The following PHTF2 variants were observed in gnomAD, a reference collection of about 807,000 sequenced individuals.
The protein encoded by PHTF2 is putative homeodomain transcription factor 2, also known as protein PHTF2.
In PHTF2, 60 loss-of-function variants were observed where a neutral mutation model predicts 101.2. The observed-to-expected ratio is 0.59, with a 90% confidence interval of 0.48 to 0.73. The LOEUF is 0.73. PHTF2 is among the 30% of genes least tolerant of loss of function. The pLI is 0.00. For synonymous variants in PHTF2, 311 were observed against 307.3 expected (o/e 1.01, Z -0.13); for missense variants, 747 against 908.7 (o/e 0.82, Z 2.29).
At chr7:77,912,673 A>T (rs920372888) in intron 9 of PHTF2, among the ~76,000 whole-genome samples, 4 of 105,140 alleles carry the variant, frequency 3.8e-5, no homozygotes, top group East Asian at 6.0e-4. Flanking sequence ...ATATATATAT[A>T]TTTTTAACCT....
chr7:77,916,844 C>A (rs1039285743), intron 9 of PHTF2, among the ~76,000 whole-genome samples: 1 of 152,130 alleles, frequency 6.6e-6, no homozygotes, highest in African/African-American at 2.4e-5. Flanking sequence ...TACGTCTGTA[C>A]ATGTTCAGTA....
intron 1 of PHTF2, among the ~76,000 whole-genome samples, chr7:77,827,602 T>G (rs1420233700): frequency 1.3e-5 from 2 of 152,148 alleles, no homozygotes; most frequent in African/African-American, 2.4e-5. Context: ...TCTACCTGCC[T>G]TGGACTCCCA....
chr7:77,859,017 T>C (rs1348409479), intron 3 of PHTF2, among the ~76,000 whole-genome samples: 1 of 152,160 alleles, frequency 6.6e-6, no homozygotes, highest in Non-Finnish European at 1.5e-5. Flanking sequence ...GAAAAACTGT[T>C]CTCTGCTTTC....
chr7:77,905,742 C>T (rs1801795463), intron 7 of PHTF2, among the ~76,000 whole-genome samples: 1 of 152,102 alleles, frequency 6.6e-6, no homozygotes, highest in African/African-American at 2.4e-5. Flanking sequence ...AAGCAGTCCA[C>T]CCGCCTCAGC....
intron 2 of PHTF2, among the ~76,000 whole-genome samples, chr7:77,851,446 A>T (rs1281342672): frequency 6.6e-6 from 1 of 152,114 alleles, no homozygotes. Context: ...AGAGTCCATT[A>T]TAATATGTCC....
chr7:77,841,074 A>ATTTTTTTTTTTTTTTT (rs1562863302), intron 2 of PHTF2, among the ~76,000 whole-genome samples: 3 of 51,412 alleles, frequency 5.8e-5, no homozygotes, highest in African/African-American at 1.8e-4. Context: ...GAAAAAACAG[A>ATTTTTTTTTTTTTTTT]CTTTTTTTTT....
intron 5 of PHTF2, among the ~76,000 whole-genome samples, chr7:77,894,445 A>G (rs1800714800): frequency 6.6e-6 from 1 of 152,206 alleles, no homozygotes; most frequent in South Asian, 2.1e-4. Context: ...ATTGAAAACC[A>G]GTGTCTATAG....
At chr7:77,822,557 A>T (rs1318700280) in intron 1 of PHTF2, among the ~76,000 whole-genome samples, 1 of 152,004 alleles carries the variant, frequency 6.6e-6, no homozygotes, top group Non-Finnish European at 1.5e-5. Context: ...GGACTGTGGG[A>T]TTCTCCTGTA....
At chr7:77,840,388 G>T in intron 2 of PHTF2, 88 bp downstream of exon 2, 1 of 762,270 alleles carries the variant, frequency 1.3e-6, no homozygotes, top group South Asian at 1.7e-5. Context: ...TTAGGATTTT[G>T]AGTGGGAAAG....
chr7:77,922,642 C>G lies in PHTF2; in HGVS notation c.983C>G (p.Thr328Arg), dbSNP rs138344763. 187 of 1,610,580 alleles carry G rather than the reference C, an allele frequency of 1.2e-4. No individual in the cohort carries two copies. In the African/African-American group the frequency reaches 2.2e-3, roughly 19 times the overall value. ...ACTTAGGATACCCAAAGGACAATAA[C>G]AAATGTCTCTGATGAAGTCTCCAGT... The change falls in exon 11 of 20, where the codon ACA becomes AGA. Residue 328 changes from threonine (T) to arginine (R), a missense_variant. Thr to Arg is a moderately conservative substitution (Grantham distance 71). Around this residue, in one of 6 missense-constraint regions of PHTF2, gnomAD observed 349 missense variants for 369.7 expected, o/e 0.94. Coordinates refer to ENST00000416283, the Ensembl canonical transcript of PHTF2.
At chr7:77,884,891 T>A (rs1799698943) in intron 3 of PHTF2, among the ~76,000 whole-genome samples, 1 of 142,092 alleles carries the variant, frequency 7.0e-6, no homozygotes, top group African/African-American at 2.6e-5. Context: ...AAAGCGAGAC[T>A]TCGTCTCAAA....
At chr7:77,924,905 T>C (rs1275753015) in intron 11 of PHTF2, among the ~76,000 whole-genome samples, 1 of 152,188 alleles carries the variant, frequency 6.6e-6, no homozygotes, top group African/African-American at 2.4e-5. Context: ...TTTTCTACTA[T>C]CTACTGTATC....
At chr7:77,844,194 A>G (rs1052914240) in intron 2 of PHTF2, among the ~76,000 whole-genome samples, 3 of 152,010 alleles carry the variant, frequency 2.0e-5, no homozygotes, top group Non-Finnish European at 4.4e-5. Context: ...GGATTTCACC[A>G]TGTTTCCCAG....
chr7:77,939,204 C>T (rs2150969982), intron 13 of PHTF2, among the ~76,000 whole-genome samples: 1 of 152,244 alleles, frequency 6.6e-6, no homozygotes, highest in Non-Finnish European at 1.5e-5. Context: ...AAATAATTCC[C>T]TCACCTTTTT....
chr7:77,845,291 ATAAG>A (rs2150594203), intron 2 of PHTF2, among the ~76,000 whole-genome samples: 1 of 152,354 alleles, frequency 6.6e-6, no homozygotes, highest in African/African-American at 2.4e-5. Context: ...AGGTAAATAT[ATAAG>A]AGAAGAGTGG....
chr7:77,945,217 A>G (rs1189243854), intron 16 of PHTF2, among the ~76,000 whole-genome samples: 1 of 152,176 alleles, frequency 6.6e-6, no homozygotes, highest in East Asian at 1.9e-4. Flanking sequence ...TCGCGCCTGT[A>G]ATCGCAGCTG....
chr7:77,854,303 G>A (rs1796992991), intron 2 of PHTF2, among the ~76,000 whole-genome samples: 1 of 152,132 alleles, frequency 6.6e-6, no homozygotes, highest in Non-Finnish European at 1.5e-5. Flanking sequence ...CCAAACAAAT[G>A]GAGTCTCTCT....
intron 1 of PHTF2, among the ~76,000 whole-genome samples, chr7:77,800,243 A>T (rs1792426904): frequency 6.6e-6 from 1 of 152,312 alleles, no homozygotes; most frequent in South Asian, 2.1e-4. Context: ...AAGGAAATGG[A>T]TATGCGTTAT....
chr7:77,951,601 A>G lies in PHTF2; in HGVS notation c.2116-16A>G, dbSNP rs1291468986. On this transcript the variant is annotated splice_polypyrimidine_tract_variant and intron_variant, in intron 17 of 19. Transcript: ENST00000416283. ...ATTTATTATAATTTGAAGCATTTCT[A>G]TTCTTTTTATAAAAGATAAACCTCT... The G allele has an allele frequency of 1.0e-5, 11 of 1,054,238 alleles. No individual in the cohort carries two copies. Among genetic ancestry groups the G allele is most frequent in the East Asian group, 2.7e-5 (1 of 37,644 alleles). 65.3% of individuals were successfully genotyped at this position (1,054,238 alleles called of 1,614,324 possible). A position where few individuals can be genotyped will look rare whatever the true frequency, so the allele number is the denominator to read the frequency against.
Sources: allele counts gnomAD v4.1 joint callset (sites outside exome capture counted in the v4.1 genomes callset), GRCh38; gene constraint gnomAD v4.1.1; regional missense constraint gnomAD v4.1.1; transcripts MANE v1.5; gene names NCBI Gene and HGNC (gene_info 2026-07-23, HGNC 2026-07-21).